The following ATP8A2 variants were observed in gnomAD, a reference collection of about 807,000 sequenced individuals.
The protein encoded by ATP8A2 is ATPase phospholipid transporting 8A2.
In ATP8A2, 100 loss-of-function variants were observed where a neutral mutation model predicts 165.6. The observed-to-expected ratio is 0.60, with a 90% CI of 0.51 to 0.71. The LOEUF (loss-of-function observed/expected upper bound fraction) is 0.71, where lower values mean the gene tolerates loss of function less well. Among genes scored for constraint, ATP8A2 ranks in the 30% least tolerant of loss-of-function variants. The pLI is 0.00. For missense variants in ATP8A2, 1,227 were observed against 1,479.5 expected (o/e 0.83, Z 2.80); for synonymous variants, 543 against 548.8 (o/e 0.99, Z 0.15).
chr13:25,582,020 T>C (rs755820260), intron 23 of ATP8A2, 63 bp downstream of exon 23: 46 of 1,373,728 alleles, frequency 3.3e-5, no homozygotes, highest in Non-Finnish European at 4.6e-5. Context: ...AAGTATCTTT[T>C]AAATGTGTCT....
At chr13:25,805,909 G>A (rs916434855) in intron 27 of ATP8A2, among the ~76,000 whole-genome samples, 1 of 151,994 alleles carries the variant, frequency 6.6e-6, no homozygotes, top group Non-Finnish European at 1.5e-5. Flanking sequence ...TATCCAGTAT[G>A]TATAAGAAAG....
chr13:25,521,799 A>G (rs34622730), intron 2 of ATP8A2, among the ~76,000 whole-genome samples: 35,901 of 151,958 alleles, frequency 0.24, 4,659 homozygotes, highest in African/African-American at 0.34. Flanking sequence ...TTGGCCTCCC[A>G]ATGGCTTCTC....
At chr13:25,373,027 C>G (rs192741860) in intron 1 of ATP8A2, among the ~76,000 whole-genome samples, 83 of 152,316 alleles carry the variant, frequency 5.4e-4, no homozygotes, top group African/African-American at 1.8e-3. Flanking sequence ...GGCCCGCGTT[C>G]TATGATTATA....
chr13:25,680,664 T>A (rs540912936), intron 24 of ATP8A2, among the ~76,000 whole-genome samples: 9 of 152,198 alleles, frequency 5.9e-5, no homozygotes, highest in Non-Finnish European at 1.2e-4. Flanking sequence ...GGGAATGTTC[T>A]GGAGTGTTCT....
chr13:25,507,636 A>G (rs1012058653), intron 2 of ATP8A2, among the ~76,000 whole-genome samples: 3 of 152,174 alleles, frequency 2.0e-5, no homozygotes, highest in Admixed American at 6.5e-5. Context: ...ATCCTTTATC[A>G]TATGTGAAAA....
chr13:25,585,980 C>T (rs947584471), intron 23 of ATP8A2, among the ~76,000 whole-genome samples: 7 of 152,306 alleles, frequency 4.6e-5, no homozygotes, highest in African/African-American at 9.6e-5. Context: ...ACCAATTGTG[C>T]AGTGTAGATG....
At chr13:25,548,897 T>C (rs1378534499) in intron 10 of ATP8A2, among the ~76,000 whole-genome samples, 1 of 152,236 alleles carries the variant, frequency 6.6e-6, no homozygotes, top group African/African-American at 2.4e-5. Flanking sequence ...AGAATTCAAA[T>C]AACAATTTCA....
chr13:25,393,776 C>T (rs1229938707), intron 1 of ATP8A2, among the ~76,000 whole-genome samples: 5 of 152,206 alleles, frequency 3.3e-5, no homozygotes, highest in Admixed American at 1.3e-4. Flanking sequence ...ATCTGAGGTT[C>T]ATTTTATGTT....
At chr13:25,516,755 TTTTC>T (rs949616808) in intron 2 of ATP8A2, among the ~76,000 whole-genome samples, 10 of 151,856 alleles carry the variant, frequency 6.6e-5, no homozygotes, top group Admixed American at 4.6e-4. Flanking sequence ...AGTTCACATT[TTTTC>T]TTTCTTTCTT....
chr13:25,372,916 C>T lies in ATP8A2; in HGVS notation c.76+628C>T, dbSNP rs372571578. ...ACACAGGTACACACACACGTACACACGCACGCGTACACATACCCTGCCTGC... is the reference window on the plus strand; with the variant it reads ...ACACAGGTACACACACACGTACACATGCACGCGTACACATACCCTGCCTGC... On this transcript the variant is annotated intron_variant, in intron 1 of 36. Transcript: ENST00000381655. This position sits in a 1 kb window ranked among gnomAD's most constrained non-coding sequence, Gnocchi z 4.8. Among the ~76,000 whole-genome samples, 53 of 152,166 alleles carry T rather than the reference C, an allele frequency of 3.5e-4. No individual in the cohort carries two copies. Among genetic ancestry groups the T allele is most frequent in the African/African-American group, 1.2e-3 (50 of 41,452 alleles).
chr13:25,590,036 A>T (rs2040028073), intron 24 of ATP8A2, among the ~76,000 whole-genome samples: 1 of 152,236 alleles, frequency 6.6e-6, no homozygotes, highest in Non-Finnish European at 1.5e-5. Context: ...GTGATGGTTA[A>T]TTTCACTATA....
intron 36 of ATP8A2, 83 bp downstream of exon 36, chr13:26,012,705 T>G: frequency 2.0e-5 from 2 of 101,042 alleles, no homozygotes; most frequent in Non-Finnish European, 1.4e-5. Flanking sequence ...GAGCGGGCGC[T>G]GATGGGGGGC....
At chr13:25,603,141 C>T (rs903630804) in intron 24 of ATP8A2, among the ~76,000 whole-genome samples, 1 of 151,938 alleles carries the variant, frequency 6.6e-6, no homozygotes, top group East Asian at 1.9e-4. Context: ...CCTCTAGGTC[C>T]CTCATGTAAT....
Position 25,935,104 on chromosome 13 carries a change from C to G in ATP8A2, c.3184-26471C>G, listed in dbSNP as rs115612407. 6.1e-3 allele frequency among the ~76,000 whole-genome samples: 934 copies of G among 152,350 alleles called. 14 individuals are homozygous for G. Among genetic ancestry groups the G allele is most frequent in the African/African-American group, 0.021 (868 of 41,582 alleles). ...CAGCAAACACCCTACAAAGATGACA[C>G]TCTGTTTTACAAATGAGTAAACTCA... On this transcript the variant is annotated intron_variant, in intron 33 of 36. Coordinates refer to ENST00000381655, the MANE Select transcript of ATP8A2 (RefSeq NM_016529.6).
chr13:25,570,741 A>G, intron 16 of ATP8A2, 26 bp from the exon 17 acceptor site: 1 of 1,586,668 alleles, frequency 6.3e-7, no homozygotes, highest in Non-Finnish European at 8.6e-7. Context: ...GTTGTATCTG[A>G]CACTAATCCC....
chr13:25,425,616 C>T (rs1413164318), intron 1 of ATP8A2, among the ~76,000 whole-genome samples: 3 of 151,048 alleles, frequency 2.0e-5, no homozygotes, highest in African/African-American at 4.9e-5. Flanking sequence ...GCTCTGTCGC[C>T]CAGGCTGGAG....
At chr13:25,779,675 C>T (rs2044827515) in intron 27 of ATP8A2, among the ~76,000 whole-genome samples, 1 of 152,046 alleles carries the variant, frequency 6.6e-6, no homozygotes, top group Non-Finnish European at 1.5e-5. Context: ...AGAGAACTTA[C>T]ATGTAATTTT....
intron 33 of ATP8A2, among the ~76,000 whole-genome samples, chr13:25,894,164 T>G (rs1220814178): frequency 3.3e-5 from 5 of 152,198 alleles, no homozygotes; most frequent in Admixed American, 3.3e-4. Flanking sequence ...TTTATGGTTT[T>G]AGGTCTAACA....
intron 1 of ATP8A2, among the ~76,000 whole-genome samples, chr13:25,448,539 G>A (rs112739111): frequency 2.0e-5 from 3 of 152,150 alleles, no homozygotes; most frequent in Non-Finnish European, 4.4e-5. Context: ...AACATGTTTT[G>A]TCTACGGTCT....
Sources: allele counts gnomAD v4.1 joint callset (sites outside exome capture counted in the v4.1 genomes callset), GRCh38; gene constraint gnomAD v4.1.1; non-coding constraint Gnocchi (gnomAD v3.1); transcripts MANE v1.5; gene names NCBI Gene and HGNC (gene_info 2026-07-23, HGNC 2026-07-21).